Variants in PPP4R3B observed in about 807,000 individuals in gnomAD.
PPP4R3B encodes serine/threonine-protein phosphatase 4 regulatory subunit 3B.
A neutral mutation model predicts 95.4 loss-of-function variants in PPP4R3B; 52 were observed. That is an observed-to-expected ratio of 0.54 (90% CI 0.44 to 0.69). The LOEUF is 0.69. Among genes scored for constraint, PPP4R3B ranks in the 30% least tolerant of loss-of-function variants. The probability of loss-of-function intolerance (pLI) is 0.00; values close to 1 mark genes in which losing one functional copy is unlikely to be tolerated. For synonymous variants in PPP4R3B, 407 were observed against 343.9 expected (o/e 1.18, Z -2.03); for missense variants, 1,003 against 1,005.9 (o/e 1.00, Z 0.04).
intron 16 of PPP4R3B, among the ~76,000 whole-genome samples, chr2:55,553,757 T>C (rs1439903585): frequency 6.6e-6 from 1 of 152,254 alleles, no homozygotes; most frequent in East Asian, 1.9e-4. Context: ...TTTTCAAAGT[T>C]AATCTATGCT....
intron 11 of PPP4R3B, among the ~76,000 whole-genome samples, chr2:55,576,297 G>A (rs903856940): frequency 5.9e-5 from 9 of 152,122 alleles, no homozygotes; most frequent in African/African-American, 1.7e-4. Flanking sequence ...GCAGTGAGCC[G>A]AAATTGTGCC....
chr2:55,613,183 C>T lies in PPP4R3B; in HGVS notation c.198+2268G>A, dbSNP rs72803593. ...AAAAACCATGTCTATTACAAAGAAA[C>T]TAAGTTTAACATAACCCCTAAATGG... On this transcript the variant is annotated intron_variant, in intron 2 of 16. Transcript: ENST00000616407. 1.6e-3 allele frequency among the ~76,000 whole-genome samples: 241 copies of T among 152,096 alleles called. 2 individuals carry two copies. In the Middle Eastern group the frequency reaches 0.024, roughly 15 times the overall value.
chr2:55,611,216 C>T (rs757740988), intron 2 of PPP4R3B, among the ~76,000 whole-genome samples: 2 of 152,046 alleles, frequency 1.3e-5, no homozygotes, highest in African/African-American at 2.4e-5. Flanking sequence ...AATGGCTACG[C>T]ACAGGCACAA....
intron 15 of PPP4R3B, among the ~76,000 whole-genome samples, chr2:55,563,231 T>C (rs771004707): frequency 2.3e-4 from 35 of 152,282 alleles, no homozygotes; most frequent in African/African-American, 7.0e-4. Flanking sequence ...AACTAATGAG[T>C]TGAAAATGAG....
At chr2:55,587,247 A>T (rs370931006) in intron 5 of PPP4R3B, among the ~76,000 whole-genome samples, 37 of 152,346 alleles carry the variant, frequency 2.4e-4, no homozygotes, top group African/African-American at 8.4e-4. Context: ...CAGTTTTTAA[A>T]ATGTTTTTAA....
chr2:55,581,962 T>C (rs919862546), intron 7 of PPP4R3B, among the ~76,000 whole-genome samples: 20 of 151,748 alleles, frequency 1.3e-4, no homozygotes, highest in African/African-American at 4.4e-4. Context: ...CTTCAACTTA[T>C]AGGAAGTGGA....
Position 55,599,036 on chromosome 2 carries a change from G to C in PPP4R3B, c.301C>G (p.Gln101Glu). Residue 101 changes from glutamine to glutamate, a missense_variant, in exon 4 of 17, where the codon CAA (glutamine) becomes GAA (glutamate). This residue lies in a region of PPP4R3B where 695 missense variants were observed against 686.2 expected (regional missense o/e 1.01). Transcript: ENST00000616407. ...ACTTCCACTGATGGGTCTTTACCTT[G>C]AACCTAAAAATATCCAAGTATACAG... ...DEIWEKICQV[Q>E]GKDPSVEVTQ... The C allele has an allele frequency of 1.3e-6, 2 of 1,595,716 alleles. No homozygotes were observed. The highest frequency in any genetic ancestry group is 1.7e-6 in the Non-Finnish European group (2 of 1,173,874).
chr2:55,550,067 C>A (rs2103723313), intron 16 of PPP4R3B, 61 bp from the exon 17 acceptor site: 3 of 986,518 alleles, frequency 3.0e-6, no homozygotes, highest in Non-Finnish European at 4.6e-6. Flanking sequence ...GCTTTTAGTA[C>A]AAATACAATC....
intron 10 of PPP4R3B, among the ~76,000 whole-genome samples, chr2:55,577,709 A>T (rs1688875044): frequency 6.6e-6 from 1 of 152,120 alleles, no homozygotes; most frequent in South Asian, 2.1e-4. Context: ...TTAATTTTTT[A>T]AAATAACATT....
At chr2:55,565,640 T>C (rs1174918529) in intron 13 of PPP4R3B, 2 of 156,646 alleles carry the variant, frequency 1.3e-5, no homozygotes, top group Non-Finnish European at 2.8e-5. Flanking sequence ...AAGAAAAACA[T>C]ATTTTTCAAC....
chr2:55,583,879 A>G (rs188257919), intron 7 of PPP4R3B, among the ~76,000 whole-genome samples: 90 of 152,364 alleles, frequency 5.9e-4, no homozygotes, highest in Admixed American at 5.7e-3. Context: ...AACTGATGCA[A>G]GCATCAAATT....
chr2:55,596,346 GA>G (rs5831372), intron 4 of PPP4R3B, among the ~76,000 whole-genome samples: 133,033 of 151,626 alleles, frequency 0.88, 58,946 homozygotes, highest in African/African-American at 0.94. Flanking sequence ...CGTCTATTTC[GA>G]AAAAAAAAAT....
At chr2:55,564,789 C>T in intron 14 of PPP4R3B, 113 bp downstream of exon 14, 1 of 1,275,192 alleles carries the variant, frequency 7.8e-7, no homozygotes, top group South Asian at 1.3e-5. Flanking sequence ...CAACTCTATG[C>T]TATCCAGTGA....
chr2:55,586,825 T>C, intron 5 of PPP4R3B, 91 bp from the exon 6 acceptor site: 1 of 654,774 alleles, frequency 1.5e-6, no homozygotes, highest in Non-Finnish European at 2.6e-6. Context: ...TATTCACCCT[T>C]CTGAAGGATC....
chr2:55,558,957 C>T lies in PPP4R3B; in HGVS notation c.2272G>A (p.Glu758Lys), dbSNP rs1280200397. 3.9e-5 allele frequency: 62 copies of T among 1,606,228 alleles called. 1 individual carries two copies. In the East Asian group the frequency reaches 1.4e-3, roughly 36 times the overall value. The change falls in exon 16 of 17, where the codon GAA (glutamate) becomes AAA (lysine). Residue 758 changes from glutamate to lysine, a missense_variant. Physicochemically the swap from Glu to Lys is moderately conservative, Grantham distance 56. Coordinates refer to ENST00000616407, the MANE Select transcript of PPP4R3B (RefSeq NM_001122964.3). Reference protein sequence around the residue: ...FMETKKAKESEDKENLPKRTS... With the variant: ...FMETKKAKESKDKENLPKRTS... ...CTTTTGGGAAGGTTTTCCTTGTCTT[C>T]ACTTTCTTTTGCTAAAGCAAAAGTA... is the stretch of plus-strand genomic sequence containing the variant.
intron 4 of PPP4R3B, chr2:55,591,361 T>C (rs1208060891): frequency 5.2e-6 from 1 of 191,588 alleles, no homozygotes; most frequent in Non-Finnish European, 9.6e-6. Flanking sequence ...CAGGCTGGTA[T>C]CGAACTCCTG....
chr2:55,564,393 G>A lies in PPP4R3B; in HGVS notation c.2180C>T (p.Ala727Val). 6.2e-7 allele frequency: 1 copy of A among 1,613,822 alleles called. No individual in the cohort carries two copies. The highest frequency in any genetic ancestry group is 8.5e-7 in the Non-Finnish European group (1 of 1,179,874). The change falls in exon 15 of 17, where the codon GCA becomes GTA. Residue 727 changes from alanine to valine, a missense_variant. Physicochemically the swap from Ala to Val is moderately conservative, Grantham distance 64. Coordinates refer to ENST00000616407, the MANE Select transcript of PPP4R3B (RefSeq NM_001122964.3). ...AGGTTTTTCCACTGGTGCCACAACTGCTTTTCCTTCCTCTTCTTCATCTTC... is the reference window on the plus strand; with the variant it reads ...AGGTTTTTCCACTGGTGCCACAACTACTTTTCCTTCCTCTTCTTCATCTTC... ...FNEDEEEEGKAVVAPVEKPKP... is the reference protein window; with the variant it reads ...FNEDEEEEGKVVVAPVEKPKP...
At chr2:55,583,995 C>A (rs1689774675) in intron 7 of PPP4R3B, among the ~76,000 whole-genome samples, 2 of 152,112 alleles carry the variant, frequency 1.3e-5, no homozygotes, top group South Asian at 2.1e-4. Flanking sequence ...CACCTGAGGT[C>A]AGGAGTTTGA....
chr2:55,586,809 G>A, intron 5 of PPP4R3B, 75 bp from the exon 6 acceptor site: 1 of 824,932 alleles, frequency 1.2e-6, no homozygotes, highest in Non-Finnish European at 1.9e-6. Flanking sequence ...ATCTACCATG[G>A]TGTGGTATTC....
Sources: allele counts gnomAD v4.1 joint callset (sites outside exome capture counted in the v4.1 genomes callset), GRCh38; gene constraint gnomAD v4.1.1; regional missense constraint gnomAD v4.1.1; transcripts MANE v1.5; gene names NCBI Gene and HGNC (gene_info 2026-07-23, HGNC 2026-07-21).